Variants in GPR89B observed in about 807,000 individuals in gnomAD.
GPR89B encodes the protein golgi pH regulator B.
Under a neutral mutation model 52.4 loss-of-function variants are expected in GPR89B, and 25 were observed. The ratio of observed to expected loss-of-function variants is 0.48; its 90% CI spans 0.35 to 0.67. GPR89B has a LOEUF of 0.67. Among genes scored for constraint, GPR89B ranks in the 30% least tolerant of loss-of-function variants. The pLI is 0.01. For missense variants in GPR89B, 146 were observed against 450.2 expected (o/e 0.32, Z 6.11); for synonymous variants, 52 against 151.2 (o/e 0.34, Z 4.81).
At chr1:147,942,526 CTA>C (rs1358200611) in intron 3 of GPR89B, among the ~76,000 whole-genome samples, 1 of 152,134 alleles carries the variant, frequency 6.6e-6, no homozygotes, top group Non-Finnish European at 1.5e-5. Flanking sequence ...CCTAGCGTCT[CTA>C]TTTATAATAG....
downstream of GPR89B, chr1:147,994,366 A>G: frequency 6.9e-7 from 1 of 1,450,076 alleles, no homozygotes; most frequent in East Asian, 2.3e-5. Flanking sequence ...TGTGTATAAG[A>G]AAACAAAGAA....
chr1:148,012,951 A>C, the GPR89B span, among the ~76,000 whole-genome samples: 1 of 152,106 alleles, frequency 6.6e-6, no homozygotes, highest in Admixed American at 6.5e-5. Context: ...TTATTATTCA[A>C]TAATTATAAA....
chr1:148,020,660 C>A, the GPR89B span, among the ~76,000 whole-genome samples: 3 of 151,794 alleles, frequency 2.0e-5, no homozygotes, highest in Non-Finnish European at 4.4e-5. Context: ...CTTTCCGTAG[C>A]GGAATTTATT....
intron 1 of GPR89B, among the ~76,000 whole-genome samples, chr1:147,933,262 A>G (rs1480221364): frequency 1.3e-5 from 2 of 151,360 alleles, no homozygotes; most frequent in African/African-American, 4.9e-5. Flanking sequence ...CCCTAGAGTA[A>G]TTTGCATTTA....
the GPR89B span, chr1:148,021,755 TC>T: frequency 2.7e-5 from 4 of 150,634 alleles, no homozygotes; most frequent in African/African-American, 7.4e-5. Flanking sequence ...ACCAGGCAAA[TC>T]TTCCGTCCAC....
At chr1:147,949,138 GAA>G (rs880003449) in intron 5 of GPR89B, among the ~76,000 whole-genome samples, 3 of 152,126 alleles carry the variant, frequency 2.0e-5, no homozygotes, top group Non-Finnish European at 4.4e-5. Context: ...AGAACAAAAT[GAA>G]AAGTCTCCCG....
At chr1:147,984,295 T>C (rs1351543614) in intron 10 of GPR89B, among the ~76,000 whole-genome samples, 1 of 151,368 alleles carries the variant, frequency 6.6e-6, no homozygotes, top group Non-Finnish European at 1.5e-5. Context: ...ACCTGCACAG[T>C]GTGCACATGT....
the GPR89B span, among the ~76,000 whole-genome samples, chr1:148,015,838 C>G: frequency 2.6e-5 from 4 of 151,050 alleles, no homozygotes; most frequent in Admixed American, 2.6e-4. Flanking sequence ...TCATAGTGTT[C>G]ACACGGTTTT....
At chr1:147,962,615 C>T (rs1380300830) in intron 7 of GPR89B, among the ~76,000 whole-genome samples, 7 of 150,860 alleles carry the variant, frequency 4.6e-5, no homozygotes, top group Admixed American at 3.3e-4. Context: ...AATTAAAACA[C>T]GCCAGGCGCG....
At chr1:147,968,247 G>A (rs1226072415) in intron 8 of GPR89B, 1 of 453,710 alleles carries the variant, frequency 2.2e-6, no homozygotes, top group Non-Finnish European at 4.4e-6. Flanking sequence ...AACGGAAAGA[G>A]CAGGCTTTGG....
the GPR89B span, among the ~76,000 whole-genome samples, chr1:148,015,320 T>TCTCG: frequency 7.2e-6 from 1 of 138,568 alleles, no homozygotes; most frequent in Non-Finnish European, 1.5e-5. Context: ...TCTCTCTCTC[T>TCTCG]CTCTCTCTCT....
chr1:148,025,543 A>AG, the GPR89B span, among the ~76,000 whole-genome samples: 1 of 149,900 alleles, frequency 6.7e-6, no homozygotes, highest in African/African-American at 2.5e-5. Flanking sequence ...AAAAAAAAAA[A>AG]AAAAAAAAGA....
chr1:147,970,491 ATCTC>A (rs1174595676), intron 10 of GPR89B, among the ~76,000 whole-genome samples: 5,760 of 105,596 alleles, frequency 0.055, 61 homozygotes, highest in African/African-American at 0.087. Context: ...GTGAGACTCC[ATCTC>A]TCTCTCTCTC....
chr1:147,987,985 T>C (rs1240453451), intron 11 of GPR89B, among the ~76,000 whole-genome samples: 2 of 152,216 alleles, frequency 1.3e-5, no homozygotes, highest in African/African-American at 4.8e-5. Flanking sequence ...TAATTCCTGC[T>C]TTTCATTTAT....
intron 3 of GPR89B, among the ~76,000 whole-genome samples, chr1:147,942,599 A>G (rs1571234264): frequency 6.6e-6 from 1 of 151,058 alleles, no homozygotes; most frequent in Non-Finnish European, 1.5e-5. Flanking sequence ...ATATATCCAT[A>G]TAATGGGATG....
chr1:147,939,725 T>C (rs1260000382), intron 3 of GPR89B, among the ~76,000 whole-genome samples: 3 of 152,138 alleles, frequency 2.0e-5, no homozygotes, highest in Non-Finnish European at 4.4e-5. Context: ...GGGCCAGACA[T>C]AGTGGCTCAC....
At chr1:147,937,289 T>A (rs587673141) in intron 2 of GPR89B, among the ~76,000 whole-genome samples, 2 of 151,724 alleles carry the variant, frequency 1.3e-5, no homozygotes, top group South Asian at 4.2e-4. Flanking sequence ...GAATAGGGAG[T>A]GGGTCACAGA....
chr1:148,012,321 G>A, the GPR89B span: 34 of 149,896 alleles, frequency 2.3e-4, no homozygotes, highest in Admixed American at 3.3e-4. Context: ...TTGTGTAACG[G>A]AAAATCATGG....
At chr1:147,999,394 G>A in the GPR89B span, among the ~76,000 whole-genome samples, 1 of 149,498 alleles carries the variant, frequency 6.7e-6, no homozygotes, top group African/African-American at 2.5e-5. Flanking sequence ...GGATCACAAG[G>A]TCAGGAGATC....
Sources: gnomAD v4.1 joint callset for allele counts (sites outside exome capture counted in the v4.1 genomes callset) on GRCh38, gnomAD v4.1.1 for gene constraint, MANE v1.5 for transcripts, NCBI Gene and HGNC (gene_info 2026-07-23, HGNC 2026-07-21) for gene names.